The following PRAG1 variants were observed in gnomAD, a reference collection of about 807,000 sequenced individuals.
The protein encoded by PRAG1 is inactive tyrosine-protein kinase PRAG1.
A neutral mutation model predicts 95.6 loss-of-function variants in PRAG1; 110 were observed. That is an observed-to-expected ratio of 1.15 (90% CI 0.99 to 1.35). The LOEUF (loss-of-function observed/expected upper bound fraction) is 1.35, where lower values mean the gene tolerates loss of function less well. Among genes scored for constraint, PRAG1 ranks in the 40% most tolerant of loss-of-function variants. The pLI is 0.00. For synonymous variants in PRAG1, 1,052 were observed against 819.4 expected, an observed-to-expected ratio of 1.28 and a Z score of -4.85; for missense variants, 2,554 against 1,864.7, an observed-to-expected ratio of 1.37 and a Z score of -6.81.
rs758375672 is a variant in PRAG1, at chr8:8,376,400, G to A, written c.2009C>T (p.Thr670Ile). Residue 670 changes from threonine (T) to isoleucine (I), a missense_variant, in exon 3 of 6, where the codon ACC becomes ATC. Thr to Ile is a moderately conservative substitution (Grantham distance 89, BLOSUM62 -1). Transcript: ENST00000615670. ...ATCTGTGGGGTGGAGACGGTGCCAGGTCGTGGAGTTTGAATGGTCCGTGGG... is the reference window on the plus strand; with the variant it reads ...ATCTGTGGGGTGGAGACGGTGCCAGATCGTGGAGTTTGAATGGTCCGTGGG... ...NGPTDHSNST[T>I]WHRLHPTDGS... 3.5e-5 allele frequency: 57 copies of A among 1,614,212 alleles called. No homozygotes were observed. Among genetic ancestry groups the A allele is most frequent in the Middle Eastern group, 1.6e-4 (1 of 6,062 alleles).
chr8:8,383,314 T>C (rs1380999575), intron 1 of PRAG1, among the ~76,000 whole-genome samples: 1 of 152,164 alleles, frequency 6.6e-6, no homozygotes. Context: ...CTCACGCCTG[T>C]AATCCCAGCA....
At chr8:8,339,373 A>G (rs1383006015) in intron 4 of PRAG1, 105 bp downstream of exon 4, 2 of 1,243,258 alleles carry the variant, frequency 1.6e-6, no homozygotes, top group Admixed American at 2.2e-5. Context: ...AAGCAGGACC[A>G]AGACAGTAGT....
At chr8:8,372,034 T>A (rs988723582) in intron 3 of PRAG1, among the ~76,000 whole-genome samples, 3 of 152,216 alleles carry the variant, frequency 2.0e-5, no homozygotes, top group Non-Finnish European at 4.4e-5. Context: ...CCTCTTCTCC[T>A]AACTTGAGGT....
chr8:8,360,114 A>G (rs1292148228), intron 3 of PRAG1, among the ~76,000 whole-genome samples: 1 of 152,160 alleles, frequency 6.6e-6, no homozygotes, highest in Non-Finnish European at 1.5e-5. Context: ...AAATTTATCA[A>G]GGGCTCTTGG....
rs779439040 is a variant in PRAG1, at chr8:8,319,012, G to C, written c.3363C>G (p.Arg1121=). 5 of 1,613,278 alleles carry C rather than the reference G, an allele frequency of 3.1e-6. No individual in the cohort carries two copies. The African/African-American group carries it at 4.0e-5, about 13-fold the overall frequency. Residue 1121 remains arginine, a synonymous_variant, in exon 6 of 6, where the codon CGC becomes CGG. Transcript: ENST00000615670. ...AGAGTTGCAGAAGCAGGAAGCACAC[G>C]CGCCGCTCGTACGCCTCGGGCTCCG... The part of the protein sequence containing the change: ...HQAEPEAYER[R]VCFLLLQLCN...
intron 5 of PRAG1, among the ~76,000 whole-genome samples, chr8:8,320,480 CAACTA>C (rs1245265447): frequency 6.6e-6 from 1 of 152,178 alleles, no homozygotes; most frequent in Non-Finnish European, 1.5e-5. Flanking sequence ...GGCTGCCACT[CAACTA>C]GAGAGTCTTG....
Position 8,376,705 on chromosome 8 carries a change from T to A in PRAG1, c.1704A>T (p.Ser568=). Reference sequence around the variant, plus strand: ...TCCCATCACTAAGGTCAGCCAGCGGTGACACTGGGGGCCCTCCAGCAGACG... The same window carrying A: ...TCCCATCACTAAGGTCAGCCAGCGGAGACACTGGGGGCCCTCCAGCAGACG... ...VSPSAGGPPV[S]PLADLSDGSS... Residue 568 remains serine, a synonymous_variant, in exon 3 of 6, where the codon TCA becomes TCT. Transcript: ENST00000615670. The A allele has an allele frequency of 1.2e-6, 2 of 1,610,904 alleles. No homozygotes were observed. Among genetic ancestry groups the A allele is most frequent in the South Asian group, 1.1e-5 (1 of 91,044 alleles).
At chr8:8,381,926 A>C in intron 1 of PRAG1, 92 bp from the exon 2 acceptor site, 1 of 551,604 alleles carries the variant, frequency 1.8e-6, no homozygotes, top group South Asian at 2.8e-5. Flanking sequence ...GATCAGGGAG[A>C]AGGAGGAGAA....
At chr8:8,365,290 C>G (rs557340696) in intron 3 of PRAG1, among the ~76,000 whole-genome samples, 4 of 152,134 alleles carry the variant, frequency 2.6e-5, no homozygotes, top group Non-Finnish European at 5.9e-5. Context: ...TGACACAGCT[C>G]CTGCATCTGC....
intron 3 of PRAG1, among the ~76,000 whole-genome samples, chr8:8,367,422 C>T (rs1384017350): frequency 3.6e-5 from 4 of 110,284 alleles, no homozygotes; most frequent in Non-Finnish European, 6.7e-5. Context: ...CGTGCCACTG[C>T]ACTCCAGCCT....
At chr8:8,379,230 G>A (rs534758828) in intron 2 of PRAG1, among the ~76,000 whole-genome samples, 8 of 152,252 alleles carry the variant, frequency 5.3e-5, no homozygotes, top group African/African-American at 1.4e-4. Flanking sequence ...TCTTTCTCCC[G>A]CCTACAGCAG....
chr8:8,355,989 C>T lies in PRAG1; in HGVS notation c.2163-16354G>A, dbSNP rs1049154908. Reference sequence around the variant, plus strand: ...AACAATCAACAAAATGAAAAGGCAACTTAGGAACTGGGAAAAAATGTTTGC... The same window carrying T: ...AACAATCAACAAAATGAAAAGGCAATTTAGGAACTGGGAAAAAATGTTTGC... On this transcript the variant is annotated intron_variant, in intron 3 of 5. Transcript: ENST00000615670. Among the ~76,000 whole-genome samples the T allele has an allele frequency of 2.6e-5, 4 of 152,156 alleles. No homozygotes were observed. In the South Asian group the frequency reaches 6.2e-4, roughly 24 times the overall value.
intron 3 of PRAG1, among the ~76,000 whole-genome samples, chr8:8,352,073 A>T (rs1436702002): frequency 6.6e-6 from 1 of 152,138 alleles, no homozygotes; most frequent in Non-Finnish European, 1.5e-5. Flanking sequence ...TGATTTGGTG[A>T]ATATTTCAAA....
chr8:8,361,523 T>G (rs1799848071), intron 3 of PRAG1, among the ~76,000 whole-genome samples: 1 of 152,208 alleles, frequency 6.6e-6, no homozygotes, highest in Admixed American at 6.5e-5. Flanking sequence ...AATCTCTGAC[T>G]CTTCCTTGTT....
rs543424064 is a variant in PRAG1 at position 8,375,329 on chromosome 8, C to T, written c.2162+918G>A. Among the ~76,000 whole-genome samples the T allele has an allele frequency of 5.7e-4, 87 of 152,104 alleles. 1 individual carries two copies. In the Middle Eastern group the frequency reaches 0.024, roughly 42 times the overall value. ...CGCCATTCTCCTGCCTCAGCCTCCC[C>T]AGTAGCTGGGACTACAGGCGCCCGC... On this transcript the variant is annotated intron_variant, in intron 3 of 5. Coordinates refer to ENST00000615670, the MANE Select transcript of PRAG1 (RefSeq NM_001080826.3).
chr8:8,377,932 G>A lies in PRAG1; in HGVS notation c.477C>T (p.Tyr159=). ...PDGNSRCPPA[Y]TMVGLHNLEP... ...CAAGGTTGTGCAGGCCGACCATGGT[G>A]TAAGCTGGGGGACAGCGAGAATTGC... The change falls in exon 3 of 6, where the codon TAC becomes TAT. Residue 159 remains tyrosine (Y), a synonymous_variant. Transcript: ENST00000615670. 6.2e-7 allele frequency: 1 copy of A among 1,614,070 alleles called. No individual in the cohort carries two copies. The highest frequency in any genetic ancestry group is 1.1e-5 in the South Asian group (1 of 91,062).
Position 8,323,134 on chromosome 8 carries a change from G to A in PRAG1, c.3073-3832C>T, listed in dbSNP as rs183826692. Reference sequence around the variant, plus strand: ...GGCTGAAACAAGATGGGAGACTGTCGCCTCATTCCCCTTCAGCTGGAAACA... The same window carrying A: ...GGCTGAAACAAGATGGGAGACTGTCACCTCATTCCCCTTCAGCTGGAAACA... On this transcript the variant is annotated intron_variant, in intron 5 of 5. Transcript: ENST00000615670. Among the ~76,000 whole-genome samples, 9 of 152,246 alleles carry A rather than the reference G, an allele frequency of 5.9e-5. No homozygotes were observed. In the East Asian group the frequency reaches 9.6e-4, roughly 16 times the overall value.
At chr8:8,386,135 G>C (rs1321976568) in intron 1 of PRAG1, among the ~76,000 whole-genome samples, 186 bp downstream of exon 1, 2 of 152,036 alleles carry the variant, frequency 1.3e-5, no homozygotes, top group African/African-American at 4.8e-5. Context: ...CCGGCCGGGC[G>C]CCTCCCTGCA....
At chr8:8,333,209 C>T (rs1798877476) in intron 4 of PRAG1, among the ~76,000 whole-genome samples, 1 of 152,204 alleles carries the variant, frequency 6.6e-6, no homozygotes, top group South Asian at 2.1e-4. Context: ...GCCTATGTCT[C>T]AGTTGCCTCA....
Sources: gnomAD v4.1 joint callset for allele counts (sites outside exome capture counted in the v4.1 genomes callset) on GRCh38, gnomAD v4.1.1 for gene constraint, MANE v1.5 for transcripts, NCBI Gene and HGNC (gene_info 2026-07-23, HGNC 2026-07-21) for gene names.